The following PLXDC2 variants were observed in gnomAD, a reference collection of about 807,000 sequenced individuals.
PLXDC2 encodes plexin domain containing 2.
PLXDC2 carries 40 observed loss-of-function variants against 68.9 expected under a neutral mutation model. The observed-to-expected ratio is 0.58, with a 90% CI of 0.45 to 0.76. PLXDC2 has a LOEUF of 0.76. Among genes scored for constraint, PLXDC2 ranks in the 30% least tolerant of loss-of-function variants. The pLI, the probability that PLXDC2 is intolerant of heterozygous loss-of-function variation, is 0.00. For missense variants in PLXDC2, 644 were observed against 661.9 expected, an observed-to-expected ratio of 0.97 and a Z score of 0.30; for synonymous variants, 243 against 234.2, an observed-to-expected ratio of 1.04 and a Z score of -0.34.
chr10:20,130,242 T>G lies in PLXDC2; in HGVS notation c.542-13053T>G, dbSNP rs183083518. 8.1e-4 allele frequency among the ~76,000 whole-genome samples: 124 copies of G among 152,256 alleles called. 1 individual carries two copies. Among genetic ancestry groups the G allele is most frequent in the Admixed American group, 3.7e-3 (56 of 15,294 alleles). ...TCTTTTATCTCTTTGGATAAAATTATTTCTAAATATTTTAAATTTTGGTGC... is the reference window on the plus strand; with the variant it reads ...TCTTTTATCTCTTTGGATAAAATTAGTTCTAAATATTTTAAATTTTGGTGC... On this transcript the variant is annotated intron_variant, in intron 4 of 13. Transcript: ENST00000377252.
chr10:19,973,234 A>C (rs1378569677), intron 1 of PLXDC2, among the ~76,000 whole-genome samples: 1 of 149,804 alleles, frequency 6.7e-6, no homozygotes, highest in African/African-American at 2.4e-5. Flanking sequence ...ATATATATGT[A>C]TATACACACA....
At chr10:20,204,851 C>A in intron 9 of PLXDC2, among the ~76,000 whole-genome samples, 1 of 152,096 alleles carries the variant, frequency 6.6e-6, no homozygotes, top group East Asian at 1.9e-4. Flanking sequence ...CAAAAAAAGT[C>A]TGCCGGCCCC....
At chr10:20,031,721 C>A (rs1835503768) in intron 2 of PLXDC2, among the ~76,000 whole-genome samples, 1 of 152,108 alleles carries the variant, frequency 6.6e-6, no homozygotes. Context: ...ACATCAACAA[C>A]CGTGTGTGGA....
chr10:19,929,493 A>C (rs2131387821), intron 1 of PLXDC2, among the ~76,000 whole-genome samples: 1 of 152,348 alleles, frequency 6.6e-6, no homozygotes, highest in East Asian at 1.9e-4. Flanking sequence ...ACACCTTTTA[A>C]CAACTGACTG....
Position 20,046,877 on chromosome 10 carries a change from A to G in PLXDC2, c.333A>G (p.Thr111=), listed in dbSNP as rs768692259. The change falls in exon 3 of 14, where the codon ACA becomes ACG. Residue 111 remains threonine, a synonymous_variant. Coordinates refer to ENST00000377252, the MANE Select transcript of PLXDC2 (RefSeq NM_032812.9). ...QDNNTQIEED[T]DHNYYISRIY... ...ATTATCTATTATTGCAGGAGGATAC[A>G]GACCACAATTACTATATATCTCGAA... is the stretch of plus-strand genomic sequence containing the variant. 6.2e-7 allele frequency: 1 copy of G among 1,609,046 alleles called. No individual in the cohort carries two copies. The highest frequency in any genetic ancestry group is 8.5e-7 in the Non-Finnish European group (1 of 1,178,022).
At chr10:20,215,632 T>G (rs1275464550) in intron 10 of PLXDC2, among the ~76,000 whole-genome samples, 1 of 151,978 alleles carries the variant, frequency 6.6e-6, no homozygotes, top group Non-Finnish European at 1.5e-5. Context: ...CCTAAGCAAA[T>G]TCACAATACC....
chr10:20,060,041 T>C (rs1290183477), intron 3 of PLXDC2, among the ~76,000 whole-genome samples: 1 of 152,206 alleles, frequency 6.6e-6, no homozygotes, highest in Non-Finnish European at 1.5e-5. Context: ...TTTTATTTTT[T>C]ATATTTTTAG....
At chr10:20,269,729 G>T (rs1344989930) in intron 13 of PLXDC2, among the ~76,000 whole-genome samples, 1 of 152,068 alleles carries the variant, frequency 6.6e-6, no homozygotes, top group African/African-American at 2.4e-5. Context: ...AAAGAAGTAG[G>T]TGTTTGGGCC....
At chr10:19,943,185 C>G (rs1833845423) in intron 1 of PLXDC2, among the ~76,000 whole-genome samples, 1 of 152,052 alleles carries the variant, frequency 6.6e-6, no homozygotes, top group South Asian at 2.1e-4. Flanking sequence ...GGAGTTAACC[C>G]ACGATTATTG....
At chr10:19,826,720 A>G (rs773510762) in intron 1 of PLXDC2, among the ~76,000 whole-genome samples, 16 of 152,216 alleles carry the variant, frequency 1.1e-4, no homozygotes, top group Non-Finnish European at 2.2e-4. Context: ...TTGGCTTTAA[A>G]GTTTTTATGT....
At chr10:20,249,308 G>C (rs1162045651) in intron 13 of PLXDC2, among the ~76,000 whole-genome samples, 1 of 152,148 alleles carries the variant, frequency 6.6e-6, no homozygotes, top group Non-Finnish European at 1.5e-5. Flanking sequence ...TTCAGATGAA[G>C]ACTGTGTGTT....
chr10:19,994,482 C>T (rs1299931164), intron 1 of PLXDC2, among the ~76,000 whole-genome samples: 1 of 151,416 alleles, frequency 6.6e-6, no homozygotes, highest in African/African-American at 2.4e-5. Context: ...GCACACACCA[C>T]CATACCCAAA....
intron 13 of PLXDC2, among the ~76,000 whole-genome samples, chr10:20,267,426 A>T (rs970964095): frequency 6.6e-6 from 1 of 152,160 alleles, no homozygotes; most frequent in Non-Finnish European, 1.5e-5. Flanking sequence ...CAGGAAGAAG[A>T]TAGCACCAAG....
intron 1 of PLXDC2, among the ~76,000 whole-genome samples, chr10:19,971,603 G>T (rs2131612012): frequency 6.6e-6 from 1 of 152,202 alleles, no homozygotes; most frequent in Non-Finnish European, 1.5e-5. Context: ...AGCAGCTTCT[G>T]GGCAAAAGAA....
chr10:19,981,269 A>G (rs960724144), intron 1 of PLXDC2, among the ~76,000 whole-genome samples: 4 of 152,234 alleles, frequency 2.6e-5, no homozygotes, highest in Admixed American at 1.3e-4. Flanking sequence ...AGCAATTTGA[A>G]CAATTTAGTG....
At chr10:20,251,247 T>A (rs1021680707) in intron 13 of PLXDC2, among the ~76,000 whole-genome samples, 8 of 152,230 alleles carry the variant, frequency 5.3e-5, no homozygotes, top group African/African-American at 1.9e-4. Flanking sequence ...GTTATGTGTC[T>A]AGCTTTTCAC....
chr10:20,215,741 T>C (rs886324799), intron 10 of PLXDC2, among the ~76,000 whole-genome samples: 4 of 151,950 alleles, frequency 2.6e-5, no homozygotes, highest in African/African-American at 7.3e-5. Context: ...AAGGAAAGAA[T>C]AGGTCAGCCC....
intron 6 of PLXDC2, among the ~76,000 whole-genome samples, chr10:20,148,891 G>A (rs115186101): frequency 0.037 from 5,653 of 152,106 alleles, 129 homozygotes; most frequent in South Asian, 0.078. Context: ...CATAAAGTGC[G>A]GCATAATTTA....
At chr10:20,012,411 A>G (rs1033507266) in intron 2 of PLXDC2, among the ~76,000 whole-genome samples, 5 of 137,144 alleles carry the variant, frequency 3.6e-5, no homozygotes, top group Non-Finnish European at 6.1e-5. Context: ...TCCACCTTCC[A>G]GGTTCAAGCG....
Sources: allele counts gnomAD v4.1 joint callset (sites outside exome capture counted in the v4.1 genomes callset), GRCh38; gene constraint gnomAD v4.1.1; transcripts MANE v1.5; gene names NCBI Gene and HGNC (gene_info 2026-07-23, HGNC 2026-07-21).